Variants in SH3BGRL2 observed in about 807,000 individuals in gnomAD.
The protein encoded by SH3BGRL2 is SH3 domain binding glutamate rich protein like 2.
Under a neutral mutation model 14.8 loss-of-function variants are expected in SH3BGRL2, and 21 were observed. That is an observed-to-expected ratio of 1.42 (90% CI 1.01 to 2.05). The LOEUF (loss-of-function observed/expected upper bound fraction) is 2.05, where lower values mean the gene tolerates loss of function less well. SH3BGRL2 is among the 30% of genes most tolerant of loss of function. SH3BGRL2 has a pLI of 0.00. For missense variants in SH3BGRL2, 147 were observed against 130.8 expected (o/e 1.12, Z -0.61); for synonymous variants, 50 against 47.8 (o/e 1.05, Z -0.19).
intron 1 of SH3BGRL2, among the ~76,000 whole-genome samples, chr6:79,656,686 A>G (rs1175947256): frequency 6.6e-6 from 1 of 152,232 alleles, no homozygotes; most frequent in African/African-American, 2.4e-5. Context: ...TTCACATTGT[A>G]TAAGGTATTA....
At chr6:79,605,542 G>A in the SH3BGRL2 span, among the ~76,000 whole-genome samples, 3 of 152,168 alleles carry the variant, frequency 2.0e-5, no homozygotes, top group Admixed American at 6.5e-5. Context: ...TTTTAAAGTT[G>A]TGGTAAATCT....
At chr6:79,665,100 T>A (rs1769630828) in intron 1 of SH3BGRL2, among the ~76,000 whole-genome samples, 1 of 152,100 alleles carries the variant, frequency 6.6e-6, no homozygotes, top group African/African-American at 2.4e-5. Context: ...CTCAGGAGGT[T>A]GAGACAGGAA....
At position 79,701,582 on chromosome 6, in the gene SH3BGRL2, A is replaced by G. The variant is rs1770456845; in HGVS notation, c.*2073A>G. On this transcript the variant is annotated 3_prime_UTR_variant, in exon 4 of 4. Transcript: ENST00000369838. ...GTAATGCTAAATTACCATCACAGTT[A>G]TGTGCCATCTCCCCACCCCATTTTT... is the stretch of plus-strand genomic sequence containing the variant. 1 of 148,956 alleles carries G rather than the reference A, an allele frequency of 6.7e-6. No homozygotes were observed. The highest frequency in any genetic ancestry group is 1.5e-5 in the Non-Finnish European group (1 of 67,724). The allele number at this position is 148,956 out of a possible 1,614,324, so 9.2% of individuals were successfully genotyped here.
At chr6:79,568,848 A>C in the SH3BGRL2 span, among the ~76,000 whole-genome samples, 1 of 152,138 alleles carries the variant, frequency 6.6e-6, no homozygotes. Flanking sequence ...TATATTGTAC[A>C]TACTTATTTT....
chr6:79,655,068 T>TG (rs373328942), intron 1 of SH3BGRL2, among the ~76,000 whole-genome samples: 1 of 152,136 alleles, frequency 6.6e-6, no homozygotes, highest in East Asian at 1.9e-4. Context: ...TTTTTTTGTG[T>TG]GGGGGGGTCG....
At chr6:79,593,912 TTCA>T in the SH3BGRL2 span, among the ~76,000 whole-genome samples, 1 of 151,908 alleles carries the variant, frequency 6.6e-6, no homozygotes, top group East Asian at 1.9e-4. Flanking sequence ...GCCTTAAAAC[TTCA>T]TCAGGAGGCT....
At chr6:79,552,176 T>C in the SH3BGRL2 span, among the ~76,000 whole-genome samples, 4 of 152,328 alleles carry the variant, frequency 2.6e-5, no homozygotes, top group East Asian at 7.7e-4. Context: ...TCAGTGGTCC[T>C]CTTATGAGGA....
the SH3BGRL2 span, among the ~76,000 whole-genome samples, chr6:79,560,653 T>A: frequency 6.6e-6 from 1 of 152,140 alleles, no homozygotes; most frequent in African/African-American, 2.4e-5. Flanking sequence ...TTTATGGGAA[T>A]TTTGGATGAA....
chr6:79,565,389 T>C, the SH3BGRL2 span, among the ~76,000 whole-genome samples: 1 of 152,138 alleles, frequency 6.6e-6, no homozygotes, highest in Non-Finnish European at 1.5e-5. Context: ...CTTTCTTGAG[T>C]TTGCAAATTC....
At chr6:79,540,289 G>A in the SH3BGRL2 span, among the ~76,000 whole-genome samples, 1 of 151,948 alleles carries the variant, frequency 6.6e-6, no homozygotes, top group Non-Finnish European at 1.5e-5. Context: ...AAAAAAATGA[G>A]CTGGGCGTGG....
intron 1 of SH3BGRL2, among the ~76,000 whole-genome samples, chr6:79,648,268 A>ATC (rs1769184599): frequency 7.9e-6 from 1 of 125,952 alleles, no homozygotes; most frequent in Admixed American, 8.2e-5. Context: ...ATATATATAT[A>ATC]TATATATATA....
chr6:79,541,408 G>A, the SH3BGRL2 span, among the ~76,000 whole-genome samples: 273 of 152,110 alleles, frequency 1.8e-3, 2 homozygotes, highest in African/African-American at 6.2e-3. Context: ...CTAGCTCCAC[G>A]TATGGTTGGA....
At chr6:79,640,160 G>T (rs985043779) in intron 1 of SH3BGRL2, among the ~76,000 whole-genome samples, 2 of 152,104 alleles carry the variant, frequency 1.3e-5, no homozygotes, top group Non-Finnish European at 2.9e-5. Context: ...GGAGGAGCTG[G>T]AGGTTGGAAG....
At chr6:79,638,619 G>A (rs1469759770) in intron 1 of SH3BGRL2, among the ~76,000 whole-genome samples, 1 of 151,936 alleles carries the variant, frequency 6.6e-6, no homozygotes, top group African/African-American at 2.4e-5. Context: ...TTGTTACTTG[G>A]GGCCTTTTCG....
intron 2 of SH3BGRL2, among the ~76,000 whole-genome samples, chr6:79,692,300 G>T (rs1459154565): frequency 6.6e-6 from 1 of 151,990 alleles, no homozygotes; most frequent in East Asian, 1.9e-4. Flanking sequence ...CTCCTATTTT[G>T]TAGGTTGCCT....
the SH3BGRL2 span, among the ~76,000 whole-genome samples, chr6:79,614,838 C>T: frequency 6.6e-6 from 1 of 152,028 alleles, no homozygotes; most frequent in Non-Finnish European, 1.5e-5. Context: ...GAGACTGAAA[C>T]CCAGGACAGA....
Position 79,699,603 on chromosome 6 carries a change from C to T in SH3BGRL2, c.*94C>T. The T allele has an allele frequency of 1.4e-6, 2 of 1,406,406 alleles. No homozygotes were observed. The highest frequency in any genetic ancestry group is 2.4e-5 in the Admixed American group (1 of 42,184). The allele number at this position is 1,406,406 out of a possible 1,614,324, so 87.1% of individuals were successfully genotyped here. The stretch of plus-strand genomic sequence containing the variant: ...CCTAATGCATCACTGTGACAAAAGC[C>T]ACACGCATTATCAGTAACTTTGCTT... On this transcript the variant is annotated 3_prime_UTR_variant, in exon 4 of 4. Transcript: ENST00000369838.
chr6:79,579,346 G>T, the SH3BGRL2 span, among the ~76,000 whole-genome samples: 2 of 152,142 alleles, frequency 1.3e-5, no homozygotes, highest in Admixed American at 6.5e-5. Flanking sequence ...ACGCATAATT[G>T]TCAGATTCAC....
At chr6:79,683,596 A>T (rs532846341) in intron 2 of SH3BGRL2, among the ~76,000 whole-genome samples, 1 of 151,896 alleles carries the variant, frequency 6.6e-6, no homozygotes, top group East Asian at 1.9e-4. Context: ...CTACAGGCGC[A>T]TGCCACCATG....
Sources: gnomAD v4.1 joint callset for allele counts (sites outside exome capture counted in the v4.1 genomes callset) on GRCh38, gnomAD v4.1.1 for gene constraint, MANE v1.5 for transcripts, NCBI Gene and HGNC (gene_info 2026-07-23, HGNC 2026-07-21) for gene names.